Variants in ZFAND3 observed in about 807,000 individuals in gnomAD.
The protein encoded by ZFAND3 is AN1-type zinc finger protein 3.
ZFAND3 carries 10 observed loss-of-function variants against 29.6 expected under a neutral mutation model. That is an observed-to-expected ratio of 0.34 (90% CI 0.21 to 0.57). ZFAND3 has a LOEUF of 0.57. Among genes scored for constraint, ZFAND3 ranks in the 20% least tolerant of loss-of-function variants. ZFAND3 has a pLI of 0.86. For missense variants in ZFAND3, 230 were observed against 304.5 expected, an observed-to-expected ratio of 0.76 and a Z score of 1.82; for synonymous variants, 128 against 112.6, an observed-to-expected ratio of 1.14 and a Z score of -0.87.
intron 2 of ZFAND3, among the ~76,000 whole-genome samples, chr6:37,936,667 T>G (rs539440036): frequency 2.0e-5 from 3 of 152,318 alleles, no homozygotes; most frequent in African/African-American, 7.2e-5. Flanking sequence ...AAAATTTAAT[T>G]GTGGTAGTCT....
chr6:38,012,377 A>ATTT lies in ZFAND3; in HGVS notation c.113-49199_113-49197dup, dbSNP rs67495073. Among the ~76,000 whole-genome samples the ATTT allele has an allele frequency of 2.8e-3, 342 of 123,334 alleles. 4 individuals carry two copies. The highest frequency in any genetic ancestry group is 8.5e-3 in the African/African-American group (278 of 32,622). 80.9% of individuals were successfully genotyped at this position (123,334 alleles called of 152,430 possible). ...AGCTTCCTCCTTTCTTTTTGATAGTATTTTTTTTTTTTTTTTTTTGAGTCG... is the reference window on the plus strand; with the variant it reads ...AGCTTCCTCCTTTCTTTTTGATAGTATTTTTTTTTTTTTTTTTTTTTTGAGTCG... On this transcript the variant is annotated intron_variant, in intron 2 of 5. Coordinates refer to ENST00000287218, the MANE Select transcript of ZFAND3 (RefSeq NM_021943.3).
In ZFAND3 at chr6:38,050,361, C is replaced by T. The variant is rs534648360; in HGVS notation, c.113-11232C>T. Among the ~76,000 whole-genome samples the T allele has an allele frequency of 1.5e-3, 230 of 152,216 alleles. 1 individual carries two copies. The highest frequency in any genetic ancestry group is 5.2e-3 in the African/African-American group (216 of 41,532). Reference sequence around the variant, plus strand: ...CTGGGCTCAAGCAATCCTCCTACCTCAGCCTTTCTAGTAGCCAGGTGATAT... The same window carrying T: ...CTGGGCTCAAGCAATCCTCCTACCTTAGCCTTTCTAGTAGCCAGGTGATAT... On this transcript the variant is annotated intron_variant, in intron 2 of 5. Coordinates refer to ENST00000287218, the MANE Select transcript of ZFAND3 (RefSeq NM_021943.3).
At chr6:37,821,521 A>G (rs188727901) in intron 1 of ZFAND3, among the ~76,000 whole-genome samples, 70 of 152,288 alleles carry the variant, frequency 4.6e-4, no homozygotes, top group Middle Eastern at 3.4e-3. Context: ...CTTTGGGTGG[A>G]TAATTTGCCG....
intron 1 of ZFAND3, among the ~76,000 whole-genome samples, chr6:37,861,351 CAA>C (rs1036102051): frequency 6.6e-6 from 1 of 152,050 alleles, no homozygotes; most frequent in African/African-American, 2.4e-5. Flanking sequence ...AAGTGGGTAT[CAA>C]GAGTGACTAG....
chr6:37,886,612 A>G (rs890863755), intron 1 of ZFAND3, among the ~76,000 whole-genome samples: 2 of 152,210 alleles, frequency 1.3e-5, no homozygotes, highest in Admixed American at 6.5e-5. Flanking sequence ...CAGTAAAGCT[A>G]TTAAGAAGGT....
At chr6:37,974,600 T>A (rs974636538) in intron 2 of ZFAND3, among the ~76,000 whole-genome samples, 2 of 152,072 alleles carry the variant, frequency 1.3e-5, no homozygotes, top group Admixed American at 1.3e-4. Context: ...CTTGCTGTGC[T>A]GCCCAGGCTG....
chr6:38,046,843 A>G (rs890300052), intron 2 of ZFAND3, among the ~76,000 whole-genome samples: 13 of 152,186 alleles, frequency 8.5e-5, no homozygotes, highest in Non-Finnish European at 1.9e-4. Flanking sequence ...TATCTGCTTA[A>G]TATGGTTTTA....
At chr6:37,902,737 CTTT>C (rs11448512) in intron 1 of ZFAND3, among the ~76,000 whole-genome samples, 5 of 100,450 alleles carry the variant, frequency 5.0e-5, no homozygotes, top group African/African-American at 2.0e-4. Context: ...CTTTTACTTA[CTTT>C]TTTTTTTTTT....
rs138024322 is a variant in ZFAND3 at position 37,869,700 on chromosome 6, T to TG, written c.71+49689dup. ...TTAAAAAAATTTTTTTTTGTAGAGT[T>TG]GGGGGTCTCACTTTGTTGCCCAGGC... On this transcript the variant is annotated intron_variant, in intron 1 of 5. Transcript: ENST00000287218. Among the ~76,000 whole-genome samples, 2,406 of 150,430 alleles carry TG rather than the reference T, an allele frequency of 0.016. 248 individuals carry two copies. In the East Asian group the frequency reaches 0.28, roughly 18 times the overall value.
chr6:38,018,884 A>G (rs1322223296), intron 2 of ZFAND3, among the ~76,000 whole-genome samples: 1 of 152,176 alleles, frequency 6.6e-6, no homozygotes, highest in African/African-American at 2.4e-5. Context: ...AGAGGTTGAA[A>G]TAATTTACAC....
intron 5 of ZFAND3, among the ~76,000 whole-genome samples, chr6:38,148,429 G>T (rs574053673): frequency 1.1e-4 from 16 of 152,196 alleles, no homozygotes; most frequent in Admixed American, 4.6e-4. Flanking sequence ...GGATGCCACC[G>T]TCCTTGGCCC....
intron 3 of ZFAND3, among the ~76,000 whole-genome samples, chr6:38,073,310 A>G (rs951913042): frequency 6.6e-6 from 1 of 151,342 alleles, no homozygotes; most frequent in African/African-American, 2.4e-5. Flanking sequence ...ATTTATGAGA[A>G]TAGTCTTGCT....
intron 2 of ZFAND3, among the ~76,000 whole-genome samples, chr6:38,047,732 C>A (rs144370495): frequency 6.6e-6 from 1 of 152,226 alleles, no homozygotes; most frequent in East Asian, 1.9e-4. Context: ...GCAGTGATAC[C>A]AGCAGTGTTC....
chr6:37,968,381 G>A (rs899185781), intron 2 of ZFAND3, among the ~76,000 whole-genome samples: 7 of 151,030 alleles, frequency 4.6e-5, no homozygotes, highest in African/African-American at 1.7e-4. Context: ...TAGAGAGGTG[G>A]GTTAGCGAAT....
intron 1 of ZFAND3, among the ~76,000 whole-genome samples, chr6:37,844,594 T>C (rs1764143671): frequency 6.6e-6 from 1 of 152,264 alleles, no homozygotes; most frequent in East Asian, 1.9e-4. Context: ...TTTTTTCTTT[T>C]CTAAGTGAAA....
At chr6:37,975,718 T>C (rs931698834) in intron 2 of ZFAND3, among the ~76,000 whole-genome samples, 35 of 152,226 alleles carry the variant, frequency 2.3e-4, no homozygotes, top group African/African-American at 8.2e-4. Context: ...GGGTTTTTTT[T>C]CTGGAGTTTA....
rs189219145 is a variant in ZFAND3 at position 38,118,627 on chromosome 6, T to G, written c.529+1888T>G. Among the ~76,000 whole-genome samples the G allele has an allele frequency of 2.2e-3, 339 of 150,898 alleles. 5 individuals are homozygous for G. Among genetic ancestry groups the G allele is most frequent in the African/African-American group, 7.0e-3 (286 of 41,030 alleles). The stretch of plus-strand genomic sequence containing the variant: ...GTCCCCGGCAGTGGCTAATGCTTCT[T>G]CTTCTTGTCAGGCAAACAGGAGATT... On this transcript the variant is annotated intron_variant, in intron 5 of 5. Coordinates refer to ENST00000287218, the MANE Select transcript of ZFAND3 (RefSeq NM_021943.3).
chr6:37,965,484 A>G (rs1008168422), intron 2 of ZFAND3, among the ~76,000 whole-genome samples: 6 of 152,148 alleles, frequency 3.9e-5, no homozygotes, highest in Non-Finnish European at 7.4e-5. Context: ...CTTGACCCGG[A>G]CAGTATACAA....
At chr6:37,840,770 C>A (rs902274048) in intron 1 of ZFAND3, among the ~76,000 whole-genome samples, 2 of 152,098 alleles carry the variant, frequency 1.3e-5, no homozygotes, top group African/African-American at 4.8e-5. Flanking sequence ...GTAGTTTTCA[C>A]TGTACAATGA....
Sources: gnomAD v4.1 joint callset for allele counts (sites outside exome capture counted in the v4.1 genomes callset) on GRCh38, gnomAD v4.1.1 for gene constraint, MANE v1.5 for transcripts, NCBI Gene and HGNC (gene_info 2026-07-23, HGNC 2026-07-21) for gene names.